Variants in SLC25A13 observed in about 807,000 individuals in gnomAD.
The protein encoded by SLC25A13 is electrogenic aspartate/glutamate antiporter SLC25A13, mitochondrial.
A neutral mutation model predicts 85.5 loss-of-function variants in SLC25A13; 70 were observed. The observed-to-expected ratio is 0.82, with a 90% CI of 0.68 to 1.00. The LOEUF (loss-of-function observed/expected upper bound fraction) is 1.00, where lower values mean the gene tolerates loss of function less well. Among genes scored for constraint, SLC25A13 ranks in the 50% least tolerant of loss-of-function variants. The pLI is 0.00. For missense variants in SLC25A13, 765 were observed against 819.8 expected, an observed-to-expected ratio of 0.93 and a Z score of 0.82; for synonymous variants, 259 against 288.7, an observed-to-expected ratio of 0.90 and a Z score of 1.04.
At chr7:96,267,850 T>C (rs1039394862) in intron 3 of SLC25A13, among the ~76,000 whole-genome samples, 1 of 151,498 alleles carries the variant, frequency 6.6e-6, no homozygotes, top group Non-Finnish European at 1.5e-5. Flanking sequence ...GTCATTTTGG[T>C]ACAACAAAGT....
intron 14 of SLC25A13, among the ~76,000 whole-genome samples, chr7:96,143,267 G>A (rs751217239): frequency 2.0e-5 from 3 of 152,120 alleles, no homozygotes; most frequent in African/African-American, 4.8e-5. Context: ...CCTCATTAAC[G>A]CTCTGACAGC....
intron 14 of SLC25A13, among the ~76,000 whole-genome samples, chr7:96,133,502 A>T (rs1172410648): frequency 2.0e-5 from 3 of 152,046 alleles, no homozygotes; most frequent in Admixed American, 6.6e-5. Context: ...AAAACTCAAT[A>T]CTCTAAGAGT....
In SLC25A13 at chr7:96,169,895, G is replaced by A. The variant is rs1298625863; in HGVS notation, c.1311+150C>T. On this transcript the variant is annotated intron_variant, in intron 13 of 17. Transcript: ENST00000265631. ...CTTCCACCTCTGGAATGGTTCGCCTGTCTAGGAAAAGCCGAGGTGCCCTAG... is the reference window on the plus strand; with the variant it reads ...CTTCCACCTCTGGAATGGTTCGCCTATCTAGGAAAAGCCGAGGTGCCCTAG... The A allele has an allele frequency of 6.4e-6, 5 of 784,570 alleles. No individual in the cohort carries two copies. In the East Asian group the frequency reaches 1.2e-4, roughly 19 times the overall value. 48.6% of individuals were successfully genotyped at this position (784,570 alleles called of 1,614,324 possible).
chr7:96,267,999 GAAAGAC>G (rs1798100804), intron 3 of SLC25A13, among the ~76,000 whole-genome samples: 1 of 152,096 alleles, frequency 6.6e-6, no homozygotes, highest in South Asian at 2.1e-4. Flanking sequence ...CACTGGAGAT[GAAAGAC>G]ATATGTGTGG....
intron 9 of SLC25A13, among the ~76,000 whole-genome samples, chr7:96,189,060 A>C (rs913019973): frequency 6.6e-6 from 1 of 152,244 alleles, no homozygotes; most frequent in Non-Finnish European, 1.5e-5. Flanking sequence ...CTTCTGGTGC[A>C]GTTAGGAAAT....
chr7:96,202,685 T>C (rs1436319839), intron 5 of SLC25A13, among the ~76,000 whole-genome samples: 1 of 152,196 alleles, frequency 6.6e-6, no homozygotes, highest in Non-Finnish European at 1.5e-5. Context: ...GGTAGGGTCC[T>C]ACAGTAAATC....
intron 3 of SLC25A13, among the ~76,000 whole-genome samples, chr7:96,250,222 A>G (rs1023673017): frequency 2.0e-5 from 3 of 152,190 alleles, no homozygotes; most frequent in African/African-American, 7.2e-5. Context: ...AAAGTACTGA[A>G]TCAGAAAATC....
chr7:96,299,909 G>C (rs911143006), intron 1 of SLC25A13, among the ~76,000 whole-genome samples: 4 of 152,056 alleles, frequency 2.6e-5, no homozygotes, highest in African/African-American at 9.7e-5. Context: ...GAAAAGGTGT[G>C]GTAAAAATAT....
At chr7:96,309,099 T>G (rs757030126) in intron 1 of SLC25A13, among the ~76,000 whole-genome samples, 1 of 152,186 alleles carries the variant, frequency 6.6e-6, no homozygotes, top group Non-Finnish European at 1.5e-5. Flanking sequence ...CAGAAGTGAA[T>G]GAAACTCCTT....
intron 13 of SLC25A13, among the ~76,000 whole-genome samples, chr7:96,154,699 T>C (rs1454567111): frequency 6.6e-6 from 1 of 152,186 alleles, no homozygotes; most frequent in African/African-American, 2.4e-5. Flanking sequence ...CCAACTCACA[T>C]ATCTGGTAAC....
At chr7:96,147,743 T>C (rs1792863271) in intron 13 of SLC25A13, among the ~76,000 whole-genome samples, 1 of 152,146 alleles carries the variant, frequency 6.6e-6, no homozygotes, top group Admixed American at 6.5e-5. Flanking sequence ...TGAACTTGAG[T>C]ATGTTCATGC....
chr7:96,211,625 T>C (rs1402986082), intron 4 of SLC25A13, among the ~76,000 whole-genome samples: 1 of 152,230 alleles, frequency 6.6e-6, no homozygotes, highest in South Asian at 2.1e-4. Flanking sequence ...CCACTATGGC[T>C]GGCACAGTGG....
chr7:96,232,427 C>T (rs1318774491), intron 4 of SLC25A13, among the ~76,000 whole-genome samples: 2 of 151,634 alleles, frequency 1.3e-5, no homozygotes, highest in African/African-American at 2.4e-5. Flanking sequence ...GACATTACGG[C>T]CTACCAGAGG....
chr7:96,229,657 G>A (rs185184545), intron 4 of SLC25A13, among the ~76,000 whole-genome samples: 23 of 151,780 alleles, frequency 1.5e-4, no homozygotes, highest in Non-Finnish European at 2.9e-4. Flanking sequence ...AACCCACCGG[G>A]AGGTATGAAC....
At chr7:96,164,122 T>C (rs1315216621) in intron 13 of SLC25A13, among the ~76,000 whole-genome samples, 1 of 152,230 alleles carries the variant, frequency 6.6e-6, no homozygotes, top group Non-Finnish European at 1.5e-5. Flanking sequence ...GGCTGGCCTA[T>C]AACCTGTTTT....
chr7:96,123,022 TAA>T (rs1264624033), intron 15 of SLC25A13, among the ~76,000 whole-genome samples: 1 of 152,190 alleles, frequency 6.6e-6, no homozygotes, highest in African/African-American at 2.4e-5. Context: ...CAGACAGCTT[TAA>T]AGTTACAGTG....
At chr7:96,152,246 G>C (rs1462076796) in intron 13 of SLC25A13, among the ~76,000 whole-genome samples, 2 of 152,130 alleles carry the variant, frequency 1.3e-5, no homozygotes, top group Admixed American at 6.5e-5. Context: ...TGGTCTGTGC[G>C]ACTATGTAGC....
chr7:96,239,438 G>A (rs1208029601), intron 3 of SLC25A13, among the ~76,000 whole-genome samples: 2 of 151,592 alleles, frequency 1.3e-5, no homozygotes, highest in Non-Finnish European at 2.9e-5. Flanking sequence ...GATTTAATGA[G>A]CATTAACGTA....
intron 3 of SLC25A13, among the ~76,000 whole-genome samples, chr7:96,269,899 C>A (rs1798169373): frequency 6.6e-6 from 1 of 152,206 alleles, no homozygotes; most frequent in African/African-American, 2.4e-5. Context: ...CACATGGAAT[C>A]TAAAAAAGTC....
Sources: allele counts gnomAD v4.1 joint callset (sites outside exome capture counted in the v4.1 genomes callset), GRCh38; gene constraint gnomAD v4.1.1; transcripts MANE v1.5; gene names NCBI Gene and HGNC (gene_info 2026-07-23, HGNC 2026-07-21).